RBFOX1: variants seen among roughly 807,000 people sequenced by gnomAD.
The protein encoded by RBFOX1 is RNA binding fox-1 homolog 1, also known as RNA binding protein fox-1 homolog 1.
Under a neutral mutation model 57.7 loss-of-function variants are expected in RBFOX1, and 8 were observed. That is an observed-to-expected ratio of 0.14 (90% confidence interval 0.08 to 0.25). The LOEUF (loss-of-function observed/expected upper bound fraction) is 0.25, where lower values mean the gene tolerates loss of function less well. RBFOX1 is among the 10% of genes least tolerant of loss of function. The pLI, the probability that RBFOX1 is intolerant of heterozygous loss-of-function variation, is 1.00. For missense variants in RBFOX1, 611 were observed against 548.5 expected (o/e 1.11, Z -1.14); for synonymous variants, 326 against 222.4 (o/e 1.47, Z -4.15).
intron 3 of RBFOX1, among the ~76,000 whole-genome samples, chr16:6,684,577 G>T (rs1435383080): frequency 6.6e-6 from 1 of 152,178 alleles, no homozygotes; most frequent in African/African-American, 2.4e-5. Context: ...AATCCCCTCT[G>T]TCCTTGAAAA....
At chr16:6,782,789 C>T (rs1273381853) in intron 3 of RBFOX1, among the ~76,000 whole-genome samples, 1 of 152,086 alleles carries the variant, frequency 6.6e-6, no homozygotes, top group African/African-American at 2.4e-5. Context: ...TGTTAATTTT[C>T]TTTCTAGGTT....
chr16:6,860,856 AATAT>A (rs1363537271), intron 3 of RBFOX1, among the ~76,000 whole-genome samples: 1 of 152,228 alleles, frequency 6.6e-6, no homozygotes, highest in Non-Finnish European at 1.5e-5. Context: ...TGTTTTCAAA[AATAT>A]ATAAATGTAT....
intron 2 of RBFOX1, among the ~76,000 whole-genome samples, chr16:6,453,575 G>A (rs1373823751): frequency 3.3e-5 from 5 of 152,098 alleles, no homozygotes; most frequent in African/African-American, 1.2e-4. Flanking sequence ...AGGACCAGAC[G>A]GATTCACAGT....
rs1278060354 is a variant in RBFOX1, at chr16:6,097,012, T to C, written c.-127+77020T>C. ...AATTGTAGCTCCCATAATTCCCATG[T>C]GTTGTGTGAGGGACTTCGTGGGAGA... On this transcript the variant is annotated intron_variant, in intron 1 of 15. Transcript: ENST00000550418. This position sits in a 1 kb window ranked among gnomAD's most constrained non-coding sequence, Gnocchi z 5.0. Among the ~76,000 whole-genome samples, 3 of 152,272 alleles carry C rather than the reference T, an allele frequency of 2.0e-5. No homozygotes were observed. Among genetic ancestry groups the C allele is most frequent in the Middle Eastern group, 6.8e-3 (2 of 294 alleles).
chr16:6,757,920 A>C (rs1468569991), intron 3 of RBFOX1, among the ~76,000 whole-genome samples: 1 of 152,198 alleles, frequency 6.6e-6, no homozygotes, highest in Non-Finnish European at 1.5e-5. Context: ...ATGTACAATT[A>C]TTATGCATTA....
At chr16:6,251,501 A>T (rs1736610928) in intron 1 of RBFOX1, among the ~76,000 whole-genome samples, 1 of 152,086 alleles carries the variant, frequency 6.6e-6, no homozygotes, top group Non-Finnish European at 1.5e-5. Context: ...AAAGTTAGAT[A>T]TTTATTATAC....
intron 7 of RBFOX1, among the ~76,000 whole-genome samples, chr16:7,589,003 A>G (rs894683013): frequency 2.0e-5 from 3 of 152,186 alleles, no homozygotes; most frequent in African/African-American, 4.8e-5. Flanking sequence ...ATAGCTCCAG[A>G]TATTTTACAA....
chr16:6,440,328 G>C (rs534847007), intron 2 of RBFOX1, among the ~76,000 whole-genome samples: 7 of 152,160 alleles, frequency 4.6e-5, no homozygotes, highest in Non-Finnish European at 7.3e-5. Flanking sequence ...GATGGGGCCT[G>C]TGGGATGGGA....
At chr16:5,926,866 T>A (rs2058950208) in intron 4 of RBFOX1, among the ~76,000 whole-genome samples, 1 of 152,176 alleles carries the variant, frequency 6.6e-6, no homozygotes, top group African/African-American at 2.4e-5. Flanking sequence ...AAGTCGGGTA[T>A]TTTTATTAGC....
intron 3 of RBFOX1, among the ~76,000 whole-genome samples, chr16:6,941,305 T>TCCTTCCTTCCTTCCTTCCTA (rs1341382553): frequency 2.0e-3 from 56 of 28,020 alleles, no homozygotes; most frequent in South Asian, 5.1e-3. Context: ...CCTCCCTCCT[T>TCCTTCCTTCCTTCCTTCCTA]CCTTCCTTCC....
chr16:6,471,075 G>C (rs1199199649), intron 2 of RBFOX1, among the ~76,000 whole-genome samples: 1 of 152,142 alleles, frequency 6.6e-6, no homozygotes, highest in Non-Finnish European at 1.5e-5. Flanking sequence ...TTCTTGGCAT[G>C]ACACATGGGC....
chr16:5,390,975 C>T (rs980197134), intron 1 of RBFOX1, among the ~76,000 whole-genome samples: 8 of 152,278 alleles, frequency 5.3e-5, no homozygotes, highest in South Asian at 2.1e-4. Context: ...GAAGCTAGAC[C>T]AATCCTGATG....
At chr16:6,571,967 G>C (rs984243761) in intron 2 of RBFOX1, among the ~76,000 whole-genome samples, 7 of 152,102 alleles carry the variant, frequency 4.6e-5, no homozygotes, top group African/African-American at 1.7e-4. Flanking sequence ...CTCCTTGCCT[G>C]TGTTAACAAT....
intron 4 of RBFOX1, among the ~76,000 whole-genome samples, chr16:7,514,189 G>A (rs1193226124): frequency 1.3e-5 from 2 of 152,150 alleles, no homozygotes; most frequent in African/African-American, 2.4e-5. Flanking sequence ...TGCCTTTGTA[G>A]TACAAAAGCG....
At chr16:7,386,780 C>T (rs953119428) in intron 4 of RBFOX1, among the ~76,000 whole-genome samples, 10 of 152,094 alleles carry the variant, frequency 6.6e-5, no homozygotes, top group Admixed American at 5.9e-4. Context: ...ATTTCTAGTT[C>T]TATATCCTTG....
At chr16:5,533,259 G>A (rs1367903140) in intron 2 of RBFOX1, among the ~76,000 whole-genome samples, 1 of 152,190 alleles carries the variant, frequency 6.6e-6, no homozygotes, top group Non-Finnish European at 1.5e-5. Flanking sequence ...AAGTGAAATT[G>A]CAGAAATTCA....
chr16:5,358,400 T>A (rs916004079), intron 1 of RBFOX1, among the ~76,000 whole-genome samples: 1 of 152,256 alleles, frequency 6.6e-6, no homozygotes, highest in South Asian at 2.1e-4. Flanking sequence ...GCATTTAAAA[T>A]TTTTTAAAAG....
rs553724548 is a variant in RBFOX1, at chr16:7,547,867, A to G, written c.270+29478A>G. Reference sequence around the variant, plus strand: ...GTATTTAACAGCAGAAGAGTAATCTATCCTGATAGGAGACAAAACAGAATG... The same window carrying G: ...GTATTTAACAGCAGAAGAGTAATCTGTCCTGATAGGAGACAAAACAGAATG... On this transcript the variant is annotated intron_variant, in intron 5 of 15. Transcript: ENST00000550418. 5.9e-5 allele frequency among the ~76,000 whole-genome samples: 9 copies of G among 152,304 alleles called. No individual in the cohort carries two copies. The East Asian group carries it at 1.7e-3, about 29-fold the overall frequency.
intron 4 of RBFOX1, among the ~76,000 whole-genome samples, chr16:7,359,584 G>T (rs2097281204): frequency 6.6e-6 from 1 of 152,130 alleles, no homozygotes; most frequent in Non-Finnish European, 1.5e-5. Context: ...TCCGGATTTG[G>T]GGCTCTTGAG....
Sources: gnomAD v4.1 joint callset for allele counts (sites outside exome capture counted in the v4.1 genomes callset) on GRCh38, gnomAD v4.1.1 for gene constraint, Gnocchi (gnomAD v3.1) non-coding constraint, MANE v1.5 for transcripts, NCBI Gene and HGNC (gene_info 2026-07-23, HGNC 2026-07-21) for gene names.